The following RIN2 variants were observed in gnomAD, a reference collection of about 807,000 sequenced individuals.
RIN2 encodes Ras and Rab interactor 2.
In RIN2, 36 loss-of-function variants were observed where a neutral mutation model predicts 78.0. The ratio of observed to expected loss-of-function variants is 0.46; its 90% CI spans 0.35 to 0.61. RIN2 has a LOEUF of 0.61. RIN2 is among the 20% of genes least tolerant of loss of function. The pLI, the probability that RIN2 is intolerant of heterozygous loss-of-function variation, is 0.00. For synonymous variants in RIN2, 466 were observed against 466.8 expected, an observed-to-expected ratio of 1.00 and a Z score of 0.02; for missense variants, 1,087 against 1,159.7, an observed-to-expected ratio of 0.94 and a Z score of 0.91.
At chr20:19,982,537 G>C (rs904068038) in intron 9 of RIN2, among the ~76,000 whole-genome samples, 1 of 152,172 alleles carries the variant, frequency 6.6e-6, no homozygotes, top group South Asian at 2.1e-4. Flanking sequence ...GCGAGTGGTG[G>C]CTCAGAGGAA....
intron 4 of RIN2, among the ~76,000 whole-genome samples, chr20:19,943,079 G>C (rs147456195): frequency 3.3e-5 from 5 of 152,186 alleles, no homozygotes; most frequent in Non-Finnish European, 5.9e-5. Flanking sequence ...TGCATGCCCC[G>C]GGCTTGAAGG....
At chr20:19,901,522 G>A (rs1237599652) in intron 3 of RIN2, among the ~76,000 whole-genome samples, 1 of 152,114 alleles carries the variant, frequency 6.6e-6, no homozygotes, top group Non-Finnish European at 1.5e-5. Context: ...TCTTCCCCCT[G>A]CCAACTAAAC....
intron 2 of RIN2, among the ~76,000 whole-genome samples, chr20:19,801,253 C>T (rs2035232083): frequency 6.6e-6 from 1 of 152,050 alleles, no homozygotes. Flanking sequence ...TTTTCCTTAT[C>T]ATGTAAAATA....
chr20:19,919,147 G>A (rs973994284), intron 3 of RIN2, among the ~76,000 whole-genome samples: 1 of 152,324 alleles, frequency 6.6e-6, no homozygotes, highest in South Asian at 2.1e-4. Flanking sequence ...TCCAGCTGGG[G>A]GATGACAGAT....
At chr20:19,833,301 A>T (rs1190725544) in intron 2 of RIN2, among the ~76,000 whole-genome samples, 2 of 152,240 alleles carry the variant, frequency 1.3e-5, no homozygotes, top group Non-Finnish European at 1.5e-5. Flanking sequence ...ATATATTTTA[A>T]CTTTAAGTTC....
chr20:19,981,473 TA>T, intron 9 of RIN2, among the ~76,000 whole-genome samples: 1 of 152,334 alleles, frequency 6.6e-6, no homozygotes, highest in East Asian at 1.9e-4. Flanking sequence ...GGAGTAGAAT[TA>T]AGCTCCACCT....
In RIN2 at chr20:19,973,648, G is replaced by T. The variant is rs59020456; in HGVS notation, c.629-1006G>T. Among the ~76,000 whole-genome samples, 1,268 of 152,264 alleles carry T rather than the reference G, an allele frequency of 8.3e-3. 17 individuals carry two copies. Among genetic ancestry groups the T allele is most frequent in the African/African-American group, 0.028 (1,162 of 41,552 alleles). Reference sequence around the variant, plus strand: ...TCCTAAAAATACCAAAATTAGCCAGGCGTGGTGGTGTGCGCCTGTAGTCCC... The same window carrying T: ...TCCTAAAAATACCAAAATTAGCCAGTCGTGGTGGTGTGCGCCTGTAGTCCC... On this transcript the variant is annotated intron_variant, in intron 8 of 12. Coordinates refer to ENST00000255006, the MANE Select transcript of RIN2 (RefSeq NM_018993.4).
chr20:19,817,610 T>C (rs530759740), intron 2 of RIN2, among the ~76,000 whole-genome samples: 2 of 152,350 alleles, frequency 1.3e-5, no homozygotes, highest in South Asian at 4.1e-4. Flanking sequence ...GAGAAATGCT[T>C]TTTATGTGAA....
intron 2 of RIN2, among the ~76,000 whole-genome samples, chr20:19,811,151 T>C (rs1169495253): frequency 6.6e-6 from 1 of 151,674 alleles, no homozygotes; most frequent in African/African-American, 2.4e-5. Context: ...GAGACAAGGA[T>C]TTAGATGCAG....
At chr20:19,951,037 G>A (rs771794854) in intron 4 of RIN2, among the ~76,000 whole-genome samples, 1 of 151,966 alleles carries the variant, frequency 6.6e-6, no homozygotes, top group Non-Finnish European at 1.5e-5. Context: ...CCAGAGGAAC[G>A]CTCCATCATG....
At chr20:19,781,043 G>A (rs541770080) in intron 1 of RIN2, among the ~76,000 whole-genome samples, 7 of 152,166 alleles carry the variant, frequency 4.6e-5, no homozygotes, top group Non-Finnish European at 8.8e-5. Context: ...TCTTCTCCAG[G>A]TGATAATGCA....
intron 3 of RIN2, among the ~76,000 whole-genome samples, chr20:19,910,473 T>G (rs2039414104): frequency 6.7e-6 from 1 of 150,100 alleles, no homozygotes; most frequent in African/African-American, 2.4e-5. Flanking sequence ...ATGCTTGGCC[T>G]TCATACTCTC....
chr20:19,894,723 C>G (rs2038639713), intron 3 of RIN2, among the ~76,000 whole-genome samples: 1 of 152,194 alleles, frequency 6.6e-6, no homozygotes, highest in Non-Finnish European at 1.5e-5. Context: ...CATTGGACCT[C>G]TTTTTCGTCA....
chr20:19,806,263 A>T (rs2035406484), intron 2 of RIN2, among the ~76,000 whole-genome samples: 1 of 152,130 alleles, frequency 6.6e-6, no homozygotes, highest in East Asian at 1.9e-4. Context: ...GTCAAATGGT[A>T]TTTCTAGTTC....
chr20:19,786,854 C>G (rs1435127937), intron 1 of RIN2, among the ~76,000 whole-genome samples: 1 of 152,190 alleles, frequency 6.6e-6, no homozygotes, highest in Non-Finnish European at 1.5e-5. Flanking sequence ...TACATGCTAA[C>G]CTTTCCAGTG....
intron 3 of RIN2, among the ~76,000 whole-genome samples, chr20:19,901,114 C>G (rs6112640): frequency 0.36 from 55,101 of 151,858 alleles, 9,942 homozygotes; most frequent in Admixed American, 0.39. Flanking sequence ...GAGTGAACGG[C>G]ACTATACAAA....
rs558695463 is a variant in RIN2 at position 19,881,456 on chromosome 20, A to G, written c.-36-8110A>G. On this transcript the variant is annotated intron_variant, in intron 2 of 12. Coordinates refer to ENST00000255006, the MANE Select transcript of RIN2 (RefSeq NM_018993.4). ...TGAAGGAAAAGAAGCAAATTAGTAC[A>G]TGAGATTCCAGGCAAGATGTATCCT... Among the ~76,000 whole-genome samples, 4 of 152,370 alleles carry G rather than the reference A, an allele frequency of 2.6e-5. No individual in the cohort carries two copies. In the East Asian group the frequency reaches 7.7e-4, roughly 29 times the overall value.
intron 2 of RIN2, among the ~76,000 whole-genome samples, chr20:19,844,656 T>TCTTCTTC (rs2036704538): frequency 7.2e-6 from 1 of 138,832 alleles, no homozygotes; most frequent in African/African-American, 2.8e-5. Context: ...TTCTTCTTCT[T>TCTTCTTC]CTTCTTCTTC....
chr20:19,960,574 T>G lies in RIN2; in HGVS notation c.352-126T>G, dbSNP rs1373350415. 6.8e-6 allele frequency: 5 copies of G among 730,516 alleles called. No homozygotes were observed. In the Admixed American group the frequency reaches 8.6e-5, roughly 13 times the overall value. 45.3% of individuals were successfully genotyped at this position (730,516 alleles called of 1,614,324 possible). On this transcript the variant is annotated intron_variant, in intron 5 of 12. Coordinates refer to ENST00000255006, the MANE Select transcript of RIN2 (RefSeq NM_018993.4). ...CACCCCTTTCTATGGCAGGAGAGTT[T>G]CCTGCAGGGAGCCATGCAGTGTGGA...
Sources: gnomAD v4.1 joint callset for allele counts (sites outside exome capture counted in the v4.1 genomes callset) on GRCh38, gnomAD v4.1.1 for gene constraint, MANE v1.5 for transcripts, NCBI Gene and HGNC (gene_info 2026-07-23, HGNC 2026-07-21) for gene names.